FBN1: variants seen among roughly 807,000 people sequenced by gnomAD.
FBN1 encodes the protein fibrillin-1.
FBN1 carries 29 observed loss-of-function variants against 365.1 expected under a neutral mutation model. That is an observed-to-expected ratio of 0.08 (90% CI 0.06 to 0.11). FBN1 has a LOEUF of 0.11. Among genes scored for constraint, FBN1 ranks in the 10% least tolerant of loss-of-function variants. The probability of loss-of-function intolerance (pLI) is 1.00; values close to 1 mark genes in which losing one functional copy is unlikely to be tolerated. For missense variants in FBN1, 2,476 were observed against 3,703.2 expected, an observed-to-expected ratio of 0.67 and a Z score of 8.60; for synonymous variants, 1,210 against 1,270.5, an observed-to-expected ratio of 0.95 and a Z score of 1.01.
intron 2 of FBN1, among the ~76,000 whole-genome samples, chr15:48,616,774 A>G (rs903906815): frequency 6.6e-6 from 1 of 152,240 alleles, no homozygotes; most frequent in Non-Finnish European, 1.5e-5. Flanking sequence ...GCAAGTAGCA[A>G]TAACATTCAA....
At chr15:48,529,886 T>C (rs1403219394) in intron 8 of FBN1, among the ~76,000 whole-genome samples, 1 of 149,554 alleles carries the variant, frequency 6.7e-6, no homozygotes, top group Non-Finnish European at 1.5e-5. Flanking sequence ...AAATGGAGTC[T>C]GAATTCTTAT....
At chr15:48,497,486 T>TA in intron 18 of FBN1, 95 bp from the exon 19 acceptor site, 1 of 1,244,476 alleles carries the variant, frequency 8.0e-7, no homozygotes, top group South Asian at 1.3e-5. Flanking sequence ...GTAATGACCT[T>TA]AGGAGCTACA....
intron 8 of FBN1, among the ~76,000 whole-genome samples, chr15:48,532,504 G>GTA (rs1206391240): frequency 1.6e-4 from 24 of 150,940 alleles, no homozygotes; most frequent in African/African-American, 5.6e-4. Context: ...ATATATATGT[G>GTA]TATGTGTGTG....
Position 48,583,180 on chromosome 15 carries a change from G to T in FBN1, c.538+13103C>A, listed in dbSNP as rs186293389. Reference sequence around the variant, plus strand: ...ATACATCTCCAGTCATTAGCATAGTGCCTGAGAAATACTCATGCATGATAG... The same window carrying T: ...ATACATCTCCAGTCATTAGCATAGTTCCTGAGAAATACTCATGCATGATAG... On this transcript the variant is annotated intron_variant, in intron 6 of 65. Coordinates refer to ENST00000316623, the MANE Select transcript of FBN1 (RefSeq NM_000138.5). Among the ~76,000 whole-genome samples, 297 of 152,292 alleles carry T rather than the reference G, an allele frequency of 2.0e-3. 1 individual carries two copies. Among genetic ancestry groups the T allele is most frequent in the Non-Finnish European group, 2.9e-3 (194 of 68,028 alleles).
At chr15:48,504,882 G>A (rs2043694909) in intron 16 of FBN1, 143 bp downstream of exon 16, 1 of 1,086,394 alleles carries the variant, frequency 9.2e-7, no homozygotes, top group African/African-American at 1.6e-5. Flanking sequence ...TACACAAAAA[G>A]AGAACTGACC....
At chr15:48,487,508 C>A (rs1451487048) in intron 27 of FBN1, 71 bp from the exon 28 acceptor site, 7 of 1,599,164 alleles carry the variant, frequency 4.4e-6, no homozygotes, top group Admixed American at 1.7e-5. Context: ...ACTCCTCCCC[C>A]ACCCATTGCT....
chr15:48,550,243 G>A (rs1393174580), intron 6 of FBN1, among the ~76,000 whole-genome samples: 2 of 152,212 alleles, frequency 1.3e-5, no homozygotes, highest in Admixed American at 6.5e-5. Flanking sequence ...GCTAGGTTAG[G>A]AAGAGAAGGT....
chr15:48,428,196 T>C, intron 57 of FBN1, 150 bp downstream of exon 57: 1 of 986,508 alleles, frequency 1.0e-6, no homozygotes, highest in African/African-American at 1.6e-5. Flanking sequence ...CAATGGACAA[T>C]CACAGTCATT....
chr15:48,564,603 G>C (rs1247551046), intron 6 of FBN1, among the ~76,000 whole-genome samples: 1 of 151,850 alleles, frequency 6.6e-6, no homozygotes, highest in Admixed American at 6.6e-5. Context: ...AAAATCCCAG[G>C]TGGCCCTCAC....
intron 25 of FBN1, among the ~76,000 whole-genome samples, chr15:48,489,037 T>C (rs2043533175): frequency 6.6e-6 from 1 of 152,004 alleles, no homozygotes; most frequent in Non-Finnish European, 1.5e-5. Context: ...TACCTTAAGA[T>C]GTCTTTCTTT....
At chr15:48,587,440 G>A (rs181412957) in intron 6 of FBN1, among the ~76,000 whole-genome samples, 6 of 152,316 alleles carry the variant, frequency 3.9e-5, no homozygotes, top group Admixed American at 2.0e-4. Context: ...GAAGGGCATC[G>A]TGGAGAAGCT....
rs2141295290 is a variant in FBN1 at position 48,488,465 on chromosome 15, G to A, written c.3111C>T (p.Ser1037=). The change falls in exon 26 of 66, where the codon AGC becomes AGT. Residue 1037 remains serine (S), a synonymous_variant. Coordinates refer to ENST00000316623, the MANE Select transcript of FBN1 (RefSeq NM_000138.5). ...TTCTGCACTTGCCGTGGGTGCAGAG[G>A]CTGGGTATCATCTTGCACTCATTGA... is the stretch of plus-strand genomic sequence containing the variant. ...KDINECKMIP[S]LCTHGKCRNT... 6.2e-7 allele frequency: 1 copy of A among 1,614,084 alleles called. No individual in the cohort carries two copies. The highest frequency in any genetic ancestry group is 2.2e-5 in the East Asian group (1 of 44,878).
At position 48,520,660 on chromosome 15, in the gene FBN1, G is replaced by A. The variant is rs889875676; in HGVS notation, c.1146C>T (p.Thr382=). The change falls in exon 10 of 66, where the codon ACC becomes ACT. Residue 382 remains threonine, a splice_region_variant and synonymous_variant. Transcript: ENST00000316623. ...VAPEMCPIRA[T]EDFNKLCSVP... is the part of the protein sequence containing the mutation. ...GCAGATAACTGGAAGGGCTCTTACC[G>A]GTTGCTCTGATGGGACACATCTCAG... The A allele has an allele frequency of 6.2e-6, 10 of 1,613,874 alleles. No homozygotes were observed. The highest frequency in any genetic ancestry group is 2.7e-5 in the African/African-American group (2 of 74,876).
rs761187818 is a variant in FBN1, at chr15:48,468,502, T to C, written c.4492A>G (p.Ile1498Val). The change falls in exon 37 of 66, where the codon ATC (isoleucine) becomes GTC (valine). Residue 1498 changes from isoleucine (I) to valine (V), a missense_variant. Physicochemically the swap from Ile to Val is conservative, Grantham distance 29 (BLOSUM62 3). Coordinates refer to ENST00000316623, the MANE Select transcript of FBN1 (RefSeq NM_000138.5). The part of the protein sequence containing the change: ...VNECLDPTTC[I>V]SGNCVNTPGS... ...GGAGTGTTGACACAGTTCCCACTGATGCACGTGGTTGGATCCAGGCATTCA... is the reference window on the plus strand; with the variant it reads ...GGAGTGTTGACACAGTTCCCACTGACGCACGTGGTTGGATCCAGGCATTCA... The C allele has an allele frequency of 7.4e-6, 12 of 1,613,972 alleles. No individual in the cohort carries two copies. Among genetic ancestry groups the C allele is most frequent in the Non-Finnish European group, 1.7e-6 (2 of 1,179,932 alleles).
intron 27 of FBN1, 36 bp downstream of exon 27, chr15:48,488,077 T>C (rs2043524011): frequency 6.2e-7 from 1 of 1,613,954 alleles, no homozygotes; most frequent in South Asian, 1.1e-5. Flanking sequence ...ATGGAATCCT[T>C]CTCTTTCTGT....
intron 43 of FBN1, among the ~76,000 whole-genome samples, chr15:48,459,908 G>A (rs1396124760): frequency 8.5e-5 from 13 of 152,322 alleles, no homozygotes; most frequent in Non-Finnish European, 1.6e-4. Context: ...TAGTCAGAAG[G>A]AAGGATTGAG....
intron 17 of FBN1, among the ~76,000 whole-genome samples, chr15:48,502,627 G>A (rs2043670878): frequency 6.6e-6 from 1 of 152,072 alleles, no homozygotes; most frequent in Non-Finnish European, 1.5e-5. Context: ...TTTAAATACT[G>A]GCAGAACATT....
chr15:48,417,213 A>G (rs2042908980), intron 63 of FBN1, among the ~76,000 whole-genome samples: 1 of 152,192 alleles, frequency 6.6e-6, no homozygotes, highest in South Asian at 2.1e-4. Flanking sequence ...TTCATTTATA[A>G]AGAAAAATAA....
Position 48,538,489 on chromosome 15 carries a change from G to C in FBN1, c.539-681C>G, listed in dbSNP as rs1255548166. Among the ~76,000 whole-genome samples, 5 of 152,160 alleles carry C rather than the reference G, an allele frequency of 3.3e-5. No homozygotes were observed. In the East Asian group the frequency reaches 9.6e-4, roughly 29 times the overall value. On this transcript the variant is annotated intron_variant, in intron 6 of 65. Transcript: ENST00000316623. The stretch of plus-strand genomic sequence containing the variant: ...TGGTCTGAAATCATTGTAACCCCTA[G>C]GCAAAAGGACCATCTTAAAGCAAAA...
Sources: gnomAD v4.1 joint callset for allele counts (sites outside exome capture counted in the v4.1 genomes callset) on GRCh38, gnomAD v4.1.1 for gene constraint, MANE v1.5 for transcripts, NCBI Gene and HGNC (gene_info 2026-07-23, HGNC 2026-07-21) for gene names.